Variants in LAMB4 observed in about 807,000 individuals in gnomAD.
The protein encoded by LAMB4 is laminin subunit beta-4.
In LAMB4, 196 loss-of-function variants were observed where a neutral mutation model predicts 199.2. The ratio of observed to expected loss-of-function variants is 0.98; its 90% CI spans 0.88 to 1.11. LAMB4 has a LOEUF of 1.11. LAMB4 is among the 50% of genes least tolerant of loss of function. The probability of loss-of-function intolerance (pLI) is 0.00; values close to 1 mark genes in which losing one functional copy is unlikely to be tolerated. For synonymous variants in LAMB4, 744 were observed against 770.6 expected (o/e 0.97, Z 0.57); for missense variants, 2,080 against 2,171.2 (o/e 0.96, Z 0.83).
the LAMB4 span, among the ~76,000 whole-genome samples, chr7:108,012,014 A>G: frequency 6.6e-6 from 1 of 151,806 alleles, no homozygotes; most frequent in South Asian, 2.1e-4. Flanking sequence ...TCTAGAAGGA[A>G]GCATAGCAAA....
intron 13 of LAMB4, 88 bp downstream of exon 13, chr7:108,092,249 T>A (rs1212989354): frequency 3.1e-6 from 3 of 965,352 alleles, no homozygotes; most frequent in South Asian, 1.5e-5. Context: ...TGGAATGAAA[T>A]TTTTCACCTA....
intron 11 of LAMB4, among the ~76,000 whole-genome samples, chr7:108,096,878 G>A (rs2037621520): frequency 1.5e-5 from 2 of 133,440 alleles, no homozygotes; most frequent in Admixed American, 1.7e-4. Flanking sequence ...TAAGGCTGCA[G>A]TGAGCTATGA....
At chr7:108,019,250 A>G (rs1009054716), downstream of LAMB4, among the ~76,000 whole-genome samples, 6 of 152,002 alleles carry the variant, frequency 3.9e-5, no homozygotes, top group Admixed American at 3.3e-4. Context: ...GCTTCTAGGG[A>G]CAACTTACCT....
chr7:108,121,984 T>C (rs981435861), intron 2 of LAMB4, among the ~76,000 whole-genome samples: 1 of 152,214 alleles, frequency 6.6e-6, no homozygotes, highest in African/African-American at 2.4e-5. Flanking sequence ...AGTTTGACCA[T>C]GGCAACTCAA....
chr7:108,014,040 T>C, the LAMB4 span, among the ~76,000 whole-genome samples: 1 of 152,232 alleles, frequency 6.6e-6, no homozygotes, highest in Non-Finnish European at 1.5e-5. Context: ...GCTCAAAATA[T>C]TAAAAGATAG....
rs759933307 is a variant in LAMB4 at position 108,047,894 on chromosome 7, G to T, written c.4326+14C>A. ...TGCTATAACTTTACAAATAAAGCAA[G>T]AGAAGATATTTACCTGATTTTTCAA... On this transcript the variant is annotated intron_variant, in intron 28 of 33. Transcript: ENST00000388781. 6 of 1,600,752 alleles carry T rather than the reference G, an allele frequency of 3.7e-6. No homozygotes were observed. The highest frequency in any genetic ancestry group is 4.3e-6 in the Non-Finnish European group (5 of 1,167,862).
rs150312459 is a variant in LAMB4 at position 108,099,180 on chromosome 7, G to C, written c.1181-598C>G. ...AAGAAGGAAAGGGAGGGAATAGTGAGAAGTATTCATATCCTTGGTTTTGTT... is the reference window on the plus strand; with the variant it reads ...AAGAAGGAAAGGGAGGGAATAGTGACAAGTATTCATATCCTTGGTTTTGTT... On this transcript the variant is annotated intron_variant, in intron 10 of 33. Coordinates refer to ENST00000388781, the MANE Select transcript of LAMB4 (RefSeq NM_007356.3). Among the ~76,000 whole-genome samples the C allele has an allele frequency of 6.0e-3, 911 of 152,298 alleles. 31 individuals carry two copies. Among genetic ancestry groups the C allele is most frequent in the Admixed American group, 0.049 (743 of 15,294 alleles).
Position 108,048,246 on chromosome 7 carries a change from C to T in LAMB4, c.4123-135G>A, listed in dbSNP as rs374090802. On this transcript the variant is annotated intron_variant, in intron 27 of 33. Transcript: ENST00000388781. Reference sequence around the variant, plus strand: ...ATAGCGTGACCTTGGCTCACTGCAACGTTCTCCTCCTGGGTTCAAGAGATT... The same window carrying T: ...ATAGCGTGACCTTGGCTCACTGCAATGTTCTCCTCCTGGGTTCAAGAGATT... The T allele has an allele frequency of 5.3e-5, 35 of 666,232 alleles. No individual in the cohort carries two copies. In the East Asian group the frequency reaches 7.0e-4, roughly 13 times the overall value. The allele number at this position is 666,232 out of a possible 1,614,324, so 41.3% of individuals were successfully genotyped here. A position where few individuals can be genotyped will look rare whatever the true frequency, so the allele number is the denominator to read the frequency against.
At chr7:108,041,987 T>G (rs2035437483) in intron 29 of LAMB4, among the ~76,000 whole-genome samples, 1 of 152,180 alleles carries the variant, frequency 6.6e-6, no homozygotes, top group Admixed American at 6.5e-5. Context: ...GATTCAAATT[T>G]TTATATATAG....
At chr7:108,035,956 T>G (rs1272637790) in intron 30 of LAMB4, among the ~76,000 whole-genome samples, 2 of 151,882 alleles carry the variant, frequency 1.3e-5, no homozygotes, top group African/African-American at 4.8e-5. Flanking sequence ...CAGGTTCAAG[T>G]TCAATCAGTT....
intron 33 of LAMB4, among the ~76,000 whole-genome samples, chr7:108,027,243 T>G (rs1292936955): frequency 1.3e-5 from 2 of 151,390 alleles, no homozygotes; most frequent in African/African-American, 4.8e-5. Context: ...GAATGCAAGA[T>G]TAAAAAAAAA....
rs71137605 is a variant in LAMB4 at position 108,126,554 on chromosome 7, CTT to C, written c.-33-3359_-33-3358del. ...TTGTAGGATGTGTCAGAATTTCTTTCTTTTTTTTTTTTTTTTTTTTTGAGACG... is the reference window on the plus strand; with the variant it reads ...TTGTAGGATGTGTCAGAATTTCTTTCTTTTTTTTTTTTTTTTTTTGAGACG... On this transcript the variant is annotated intron_variant, in intron 1 of 33. Coordinates refer to ENST00000388781, the MANE Select transcript of LAMB4 (RefSeq NM_007356.3). Among the ~76,000 whole-genome samples, 493 of 83,514 alleles carry C rather than the reference CTT, an allele frequency of 5.9e-3. 1 individual carries two copies. Among genetic ancestry groups the C allele is most frequent in the Middle Eastern group, 0.034 (2 of 58 alleles). 54.8% of individuals were successfully genotyped at this position (83,514 alleles called of 152,430 possible). A position where few individuals can be genotyped will look rare whatever the true frequency, so the allele number is the denominator to read the frequency against.
At chr7:108,069,609 G>A in intron 18 of LAMB4, 99 bp downstream of exon 18, 1 of 1,099,790 alleles carries the variant, frequency 9.1e-7, no homozygotes, top group South Asian at 1.5e-5. Flanking sequence ...GGGTATTTTG[G>A]TTGTTGTTTG....
chr7:108,085,521 A>G (rs1165066178), intron 14 of LAMB4, among the ~76,000 whole-genome samples: 1 of 152,210 alleles, frequency 6.6e-6, no homozygotes, highest in Admixed American at 6.5e-5. Flanking sequence ...GAAAGAAAGT[A>G]TAAAGCTTTA....
intron 23 of LAMB4, among the ~76,000 whole-genome samples, chr7:108,061,653 C>T (rs111401838): frequency 0.047 from 6,998 of 150,312 alleles, 561 homozygotes; most frequent in African/African-American, 0.16. Context: ...GCAGGAGAAT[C>T]GCTTGAACCC....
chr7:108,072,158 A>G (rs1481441327), intron 17 of LAMB4, among the ~76,000 whole-genome samples: 1 of 152,152 alleles, frequency 6.6e-6, no homozygotes, highest in Non-Finnish European at 1.5e-5. Context: ...TGAAAGTTCC[A>G]TTGGATATTC....
intron 28 of LAMB4, among the ~76,000 whole-genome samples, chr7:108,044,970 A>AG (rs1467515221): frequency 2.7e-5 from 4 of 146,020 alleles, no homozygotes; most frequent in East Asian, 3.9e-4. Context: ...AAAAAAAAAA[A>AG]AAAAGAAAAG....
At chr7:108,066,738 TATA>T (rs1320619689) in intron 19 of LAMB4, 138 bp from the exon 20 acceptor site, 2 of 594,930 alleles carry the variant, frequency 3.4e-6, no homozygotes, top group East Asian at 2.8e-5. Flanking sequence ...GGACACAGCA[TATA>T]ATGAGTTCCA....
rs1361858682 is a variant in LAMB4 at position 108,103,110 on chromosome 7, C to T, written c.1114G>A (p.Asp372Asn). 1.9e-6 allele frequency: 3 copies of T among 1,613,736 alleles called. No homozygotes were observed. Among genetic ancestry groups the T allele is most frequent in the African/African-American group, 2.7e-5 (2 of 75,046 alleles). Residue 372 changes from aspartate to asparagine, a missense_variant, in exon 10 of 34, where the codon GAC becomes AAC. Transcript: ENST00000388781. ...CTGTAGAAGAGGGGTCTGCAGCGGTCGCAGTGCTGCCCCTCAGTGTTGTGC... is the reference window on the plus strand; with the variant it reads ...CTGTAGAAGAGGGGTCTGCAGCGGTTGCAGTGCTGCCCCTCAGTGTTGTGC... The part of the protein sequence containing the change: ...CQHNTEGQHC[D>N]RCRPLFYRDP...
Sources: allele counts gnomAD v4.1 joint callset (sites outside exome capture counted in the v4.1 genomes callset), GRCh38; gene constraint gnomAD v4.1.1; transcripts MANE v1.5; gene names NCBI Gene and HGNC (gene_info 2026-07-23, HGNC 2026-07-21).